The following CEP164 variants were observed in gnomAD, a reference collection of about 807,000 sequenced individuals.
CEP164 encodes the protein centrosomal protein of 164 kDa.
In CEP164, 162 loss-of-function variants were observed where a neutral mutation model predicts 182.7. That is an observed-to-expected ratio of 0.89 (90% CI 0.78 to 1.01). CEP164 has a LOEUF of 1.01. Ranked by LOEUF, CEP164 falls within the 50% of genes least tolerant of loss-of-function variation. The pLI, the probability that CEP164 is intolerant of heterozygous loss-of-function variation, is 0.00. For missense variants in CEP164, 1,735 were observed against 1,790.4 expected (o/e 0.97, Z 0.56); for synonymous variants, 661 against 690.0 (o/e 0.96, Z 0.66).
At chr11:117,331,670 CAG>C (rs2134702281) in intron 1 of CEP164, among the ~76,000 whole-genome samples, 1 of 152,018 alleles carries the variant, frequency 6.6e-6, no homozygotes, top group African/African-American at 2.4e-5. Context: ...ACTGGAAGCA[CAG>C]AGAGGAAAAT....
At chr11:117,380,551 G>A in intron 11 of CEP164, 63 bp from the exon 12 acceptor site, 1 of 1,340,710 alleles carries the variant, frequency 7.5e-7, no homozygotes, top group Non-Finnish European at 1.0e-6. Flanking sequence ...GAGCCAGCAG[G>A]AGGATGGAGG....
chr11:117,329,415 C>G (rs995122679), intron 1 of CEP164, among the ~76,000 whole-genome samples: 2 of 152,210 alleles, frequency 1.3e-5, no homozygotes, highest in African/African-American at 2.4e-5. Context: ...TCTTGCCACT[C>G]CTCCCACTGT....
rs2045578680 is a variant in CEP164 at position 117,397,128 on chromosome 11, G to A, written c.3316G>A (p.Glu1106Lys). 6.2e-7 allele frequency: 1 copy of A among 1,614,190 alleles called. No homozygotes were observed. Among genetic ancestry groups the A allele is most frequent in the Non-Finnish European group, 8.5e-7 (1 of 1,180,016 alleles). ...SHNVWHLLSAEGVALRSAKEF... is the reference protein window; with the variant it reads ...SHNVWHLLSAKGVALRSAKEF... ...CAATGTCTGGCACCTCCTCTCTGCT[G>A]AGGGGGTAGCCCTCCGTAGTGCCAA... The change falls in exon 27 of 33, where the codon GAG becomes AAG. Residue 1106 changes from glutamate to lysine, a missense_variant. By Grantham distance (56) the Glu-to-Lys change is moderately conservative (BLOSUM62 1). Coordinates refer to ENST00000278935, the MANE Select transcript of CEP164 (RefSeq NM_014956.5).
At chr11:117,408,131 G>A in intron 28 of CEP164, 99 bp downstream of exon 28, 1 of 807,926 alleles carries the variant, frequency 1.2e-6, no homozygotes, top group Non-Finnish European at 2.0e-6. Context: ...GGGGAGTTGG[G>A]CCTCTAGGGC....
rs2047110398 is a variant in CEP164 at position 117,409,728 on chromosome 11, C to T, written c.3859C>T (p.Pro1287Ser). The T allele has an allele frequency of 6.2e-7, 1 of 1,614,038 alleles. No homozygotes were observed. The highest frequency in any genetic ancestry group is 8.5e-7 in the Non-Finnish European group (1 of 1,179,920). Reference protein sequence around the residue: ...SVLSILDSLNPQSPPPLLASM... With the variant: ...SVLSILDSLNSQSPPPLLASM... ...CCTCAGCATCCTGGACAGCCTCAACCCTCAGTCGCCGCCGCCGCTCCTCGC... is the reference window on the plus strand; with the variant it reads ...CCTCAGCATCCTGGACAGCCTCAACTCTCAGTCGCCGCCGCCGCTCCTCGC... Residue 1287 changes from proline (P) to serine (S), a missense_variant, in exon 30 of 33, where the codon CCT becomes TCT. By Grantham distance (74) the Pro-to-Ser change is moderately conservative. Coordinates refer to ENST00000278935, the MANE Select transcript of CEP164 (RefSeq NM_014956.5). The surrounding 1 kb of genome is among the most constrained non-coding windows in gnomAD (Gnocchi z 4.4).
At chr11:117,350,512 G>T (rs540915535) in intron 4 of CEP164, among the ~76,000 whole-genome samples, 49 of 152,160 alleles carry the variant, frequency 3.2e-4, no homozygotes, top group African/African-American at 1.2e-3. Context: ...TTAGTGATGT[G>T]GGACATCTTT....
At chr11:117,366,030 C>A (rs1458171287) in intron 8 of CEP164, among the ~76,000 whole-genome samples, 1 of 152,046 alleles carries the variant, frequency 6.6e-6, no homozygotes, top group Non-Finnish European at 1.5e-5. Context: ...GTGTTAAATA[C>A]ACCTCCTACC....
chr11:117,352,070 G>C, intron 5 of CEP164, 82 bp downstream of exon 5: 1 of 1,215,006 alleles, frequency 8.2e-7, no homozygotes, highest in South Asian at 1.4e-5. Context: ...GTCTGCAGCT[G>C]GGAGGTTGAA....
intron 5 of CEP164, among the ~76,000 whole-genome samples, chr11:117,360,974 G>T (rs533847122): frequency 6.5e-5 from 9 of 138,850 alleles, no homozygotes; most frequent in African/African-American, 1.9e-4. Context: ...TCGCTCTGTC[G>T]CTCAGGCTGG....
At position 117,392,323 on chromosome 11, in the gene CEP164, G is replaced by T; in HGVS notation, c.2361+20G>T. Reference sequence around the variant, plus strand: ...CGGGAGGTAAGATGCAGCATCCTGGGCCCCCTTCATGGCTGATTAGCAGAA... The same window carrying T: ...CGGGAGGTAAGATGCAGCATCCTGGTCCCCCTTCATGGCTGATTAGCAGAA... On this transcript the variant is annotated intron_variant, in intron 18 of 32. Coordinates refer to ENST00000278935, the MANE Select transcript of CEP164 (RefSeq NM_014956.5). 1.2e-6 allele frequency: 2 copies of T among 1,604,738 alleles called. No individual in the cohort carries two copies. The highest frequency in any genetic ancestry group is 1.7e-6 in the Non-Finnish European group (2 of 1,177,748).
chr11:117,395,800 C>A, intron 24 of CEP164, 78 bp downstream of exon 24: 1 of 1,494,400 alleles, frequency 6.7e-7, no homozygotes, highest in Non-Finnish European at 9.0e-7. Context: ...GTGTCATGGC[C>A]CAGTTAATAG....
At chr11:117,369,665 C>T (rs1391350399) in intron 8 of CEP164, among the ~76,000 whole-genome samples, 1 of 151,848 alleles carries the variant, frequency 6.6e-6, no homozygotes, top group Non-Finnish European at 1.5e-5. Flanking sequence ...CTTAAAAATC[C>T]CTCATTGGAA....
rs1221152657 is a variant in CEP164 at position 117,384,487 on chromosome 11, G to T, written c.1724+1545G>T. The T allele has an allele frequency of 2.0e-5, 3 of 152,226 alleles. No individual in the cohort carries two copies. The East Asian group carries it at 5.8e-4, about 29-fold the overall frequency. The allele number at this position is 152,226 out of a possible 1,614,324, so 9.4% of individuals were successfully genotyped here. A position where few individuals can be genotyped will look rare whatever the true frequency, so the allele number is the denominator to read the frequency against. ...TGTAGTTCAGAGAGAGGAAGATTGG[G>T]CAGAGGTCAGAGGGATGTCTTCCCA... On this transcript the variant is annotated intron_variant, in intron 14 of 32. Coordinates refer to ENST00000278935, the MANE Select transcript of CEP164 (RefSeq NM_014956.5).
chr11:117,381,862 T>C lies in CEP164; in HGVS notation c.1571T>C (p.Leu524Pro). 1 of 1,502,434 alleles carries C rather than the reference T, an allele frequency of 6.7e-7. No individual in the cohort carries two copies. Among genetic ancestry groups the C allele is most frequent in the Non-Finnish European group, 8.9e-7 (1 of 1,124,562 alleles). 93.1% of individuals were successfully genotyped at this position (1,502,434 alleles called of 1,614,324 possible). A position where few individuals can be genotyped will look rare whatever the true frequency, so the allele number is the denominator to read the frequency against. The change falls in exon 13 of 33, where the codon CTC becomes CCC. Residue 524 changes from leucine to proline, a missense_variant. Leu to Pro is a moderately conservative substitution (Grantham distance 98, BLOSUM62 -3). Coordinates refer to ENST00000278935, the MANE Select transcript of CEP164 (RefSeq NM_014956.5). ...SAASLSLQLS[L>P]QREQAPSPPA... is the part of the protein sequence containing the mutation. ...GCCAGCCTCAGCCTGCAGCTGTCCC[T>C]CCAGAGGTAAGGATGAGGGGAAGCA...
chr11:117,336,318 C>G, intron 2 of CEP164: 1 of 1,497,318 alleles, frequency 6.7e-7, no homozygotes, highest in Non-Finnish European at 9.3e-7. Context: ...TCTTCTTGTC[C>G]GCTGTCACTG....
chr11:117,349,020 A>G (rs1027116818), intron 4 of CEP164, among the ~76,000 whole-genome samples: 3 of 151,716 alleles, frequency 2.0e-5, no homozygotes. Context: ...ACAACATTCT[A>G]TTTATCAATT....
intron 5 of CEP164, among the ~76,000 whole-genome samples, chr11:117,356,821 G>A (rs1307496922): frequency 6.6e-6 from 1 of 152,216 alleles, no homozygotes; most frequent in African/African-American, 2.4e-5. Context: ...CTGCAAGATA[G>A]GGCTGAGGGT....
rs897837 is a variant in CEP164, at chr11:117,390,772, C to G, written c.1935-5C>G. 0.16 allele frequency: 263,273 copies of G among 1,613,500 alleles called. 22,936 individuals are homozygous for G. The highest frequency in any genetic ancestry group is 0.24 in the Admixed American group (14,394 of 59,976). Reference sequence around the variant, plus strand: ...TGACAACCTAGCCTTTCCTTTCCATCTCAGTTCCTTGAGGGAGCGGCTGCA... The same window carrying G: ...TGACAACCTAGCCTTTCCTTTCCATGTCAGTTCCTTGAGGGAGCGGCTGCA... On this transcript the variant is annotated splice_region_variant and splice_polypyrimidine_tract_variant and intron_variant, in intron 15 of 32. Coordinates refer to ENST00000278935, the MANE Select transcript of CEP164 (RefSeq NM_014956.5).
Position 117,396,552 on chromosome 11 carries a change from C to G in CEP164, c.3219C>G (p.Asn1073Lys). The change falls in exon 26 of 33, where the codon AAC becomes AAG. Residue 1073 changes from asparagine (N) to lysine (K), a missense_variant and splice_region_variant. Physicochemically the swap from Asn to Lys is moderately conservative, Grantham distance 94 (BLOSUM62 0). Transcript: ENST00000278935. ...ACTTTTCTACCATGTGTCCCTAGAA[C>G]CAGACCAAAGAGGTGTCTTCTTCTC... ...IEDLRKSLGT[N>K]QTKEVSSSLS... 1 of 1,613,628 alleles carries G rather than the reference C, an allele frequency of 6.2e-7. No homozygotes were observed. Among genetic ancestry groups the G allele is most frequent in the South Asian group, 1.1e-5 (1 of 91,060 alleles).
Sources: allele counts gnomAD v4.1 joint callset (sites outside exome capture counted in the v4.1 genomes callset), GRCh38; gene constraint gnomAD v4.1.1; non-coding constraint Gnocchi (gnomAD v3.1); transcripts MANE v1.5; gene names NCBI Gene and HGNC (gene_info 2026-07-23, HGNC 2026-07-21).